Variants in LRP1B observed in about 807,000 individuals in gnomAD.
The protein encoded by LRP1B is LDL receptor related protein 1B, also known as low-density lipoprotein receptor-related protein 1B.
A neutral mutation model predicts 556.6 loss-of-function variants in LRP1B; 217 were observed. The observed-to-expected ratio is 0.39, with a 90% CI of 0.35 to 0.44. The LOEUF is 0.44. LRP1B is among the 20% of genes least tolerant of loss of function. LRP1B has a pLI of 1.00. For missense variants in LRP1B, 5,053 were observed against 5,620.8 expected (o/e 0.90, Z 3.23); for synonymous variants, 2,047 against 1,865.8 (o/e 1.10, Z -2.50).
chr2:140,757,820 G>T (rs1688787957), intron 35 of LRP1B, among the ~76,000 whole-genome samples: 1 of 152,182 alleles, frequency 6.6e-6, no homozygotes, highest in Admixed American at 6.5e-5. Context: ...GGCGGAGGTT[G>T]CAGTGAGCAG....
intron 88 of LRP1B, among the ~76,000 whole-genome samples, chr2:140,238,776 C>T (rs946562304): frequency 2.0e-5 from 3 of 150,820 alleles, no homozygotes; most frequent in Admixed American, 1.3e-4. Context: ...GTATGTCCAT[C>T]ACCCAAATAA....
intron 35 of LRP1B, among the ~76,000 whole-genome samples, chr2:140,744,000 T>TAAAAAAAAAAAAAAAAAAAAAA: frequency 2.2e-5 from 1 of 46,144 alleles, no homozygotes; most frequent in Non-Finnish European, 4.6e-5. Context: ...AAGTAAAAAG[T>TAAAAAAAAAAAAAAAAAAAAAA]AAAATCCATA....
At chr2:141,733,545 A>T (rs1693358244) in intron 2 of LRP1B, among the ~76,000 whole-genome samples, 1 of 152,074 alleles carries the variant, frequency 6.6e-6, no homozygotes, top group African/African-American at 2.4e-5. Context: ...TACTTGCTTA[A>T]ATTCCTTTAA....
intron 66 of LRP1B, among the ~76,000 whole-genome samples, chr2:140,426,145 C>T (rs7371382): frequency 0.16 from 23,631 of 152,028 alleles, 2,005 homozygotes; most frequent in Middle Eastern, 0.24. Flanking sequence ...GAACAGGAGG[C>T]GCTGGCTTGA....
chr2:141,424,655 C>T (rs944166221), intron 3 of LRP1B, among the ~76,000 whole-genome samples: 10 of 152,104 alleles, frequency 6.6e-5, no homozygotes, highest in African/African-American at 2.4e-4. Flanking sequence ...CCATATTTTT[C>T]ATTTCTTTAA....
At chr2:141,966,478 G>C (rs1232202540) in intron 1 of LRP1B, among the ~76,000 whole-genome samples, 1 of 151,902 alleles carries the variant, frequency 6.6e-6, no homozygotes, top group Non-Finnish European at 1.5e-5. Context: ...TCCACTTGCT[G>C]AGGTCAAGCA....
At chr2:141,247,787 C>A (rs1684121276) in intron 4 of LRP1B, among the ~76,000 whole-genome samples, 1 of 152,150 alleles carries the variant, frequency 6.6e-6, no homozygotes, top group Non-Finnish European at 1.5e-5. Flanking sequence ...ATCACACTCA[C>A]TACTTTAAAG....
intron 86 of LRP1B, among the ~76,000 whole-genome samples, chr2:140,252,874 T>C (rs1352962210): frequency 3.3e-5 from 5 of 152,092 alleles, no homozygotes; most frequent in African/African-American, 9.7e-5. Context: ...TATAAATTCA[T>C]CTAAAATGTA....
intron 3 of LRP1B, among the ~76,000 whole-genome samples, chr2:141,374,380 C>T (rs1342405652): frequency 6.6e-6 from 1 of 152,078 alleles, no homozygotes; most frequent in Non-Finnish European, 1.5e-5. Context: ...ATGTCTTTGC[C>T]TGGGGGTCAC....
intron 35 of LRP1B, among the ~76,000 whole-genome samples, chr2:140,753,958 G>C (rs1230592877): frequency 3.9e-5 from 6 of 152,092 alleles, no homozygotes; most frequent in Non-Finnish European, 7.4e-5. Flanking sequence ...GAACCCAAGG[G>C]CCCCACTGCC....
Position 140,370,791 on chromosome 2 carries a change from C to A in LRP1B, c.10927G>T (p.Ala3643Ser), listed in dbSNP as rs1682959813. ...AGCCATCTAATTGGAATACAGTGGG[C>A]TTTATTTTTGCACCGAAACTGATCT... Reference protein sequence around the residue: ...KEDQFRCKNKAHCIPIRWLCD... With the variant: ...KEDQFRCKNKSHCIPIRWLCD... Residue 3643 changes from alanine to serine, a missense_variant, in exon 71 of 91, where the codon GCC becomes TCC. Physicochemically the swap from Ala to Ser is moderately conservative, Grantham distance 99. Coordinates refer to ENST00000389484, the MANE Select transcript of LRP1B (RefSeq NM_018557.3). 1.2e-6 allele frequency: 2 copies of A among 1,612,646 alleles called. No homozygotes were observed. Among genetic ancestry groups the A allele is most frequent in the Non-Finnish European group, 1.7e-6 (2 of 1,179,154 alleles).
chr2:141,697,407 C>T (rs1359303125), intron 2 of LRP1B, among the ~76,000 whole-genome samples: 1 of 151,888 alleles, frequency 6.6e-6, no homozygotes, highest in East Asian at 1.9e-4. Context: ...ATTTACTCTC[C>T]TTGTTAATGT....
At chr2:141,519,220 CTT>C (rs781307098) in intron 2 of LRP1B, among the ~76,000 whole-genome samples, 89 of 151,720 alleles carry the variant, frequency 5.9e-4, no homozygotes, top group Non-Finnish European at 1.1e-3. Context: ...CCAAATAAAA[CTT>C]AACTAATAGT....
chr2:141,606,008 G>A (rs973411360), intron 2 of LRP1B, among the ~76,000 whole-genome samples: 5 of 150,478 alleles, frequency 3.3e-5, no homozygotes, highest in East Asian at 1.9e-4. Flanking sequence ...TTACTTAATC[G>A]AAAGTCTATG....
chr2:140,666,017 G>A (rs867479043), intron 41 of LRP1B, among the ~76,000 whole-genome samples: 42 of 148,460 alleles, frequency 2.8e-4, no homozygotes, highest in Middle Eastern at 6.8e-3. Flanking sequence ...TTCCTGAGAC[G>A]GAGTCTCACT....
chr2:140,375,751 C>T (rs946394391), intron 68 of LRP1B, among the ~76,000 whole-genome samples: 1 of 152,002 alleles, frequency 6.6e-6, no homozygotes, highest in African/African-American at 2.4e-5. Context: ...GTTCTTACAA[C>T]ATATTACGCT....
rs1446040870 is a variant in LRP1B at position 141,090,557 on chromosome 2, C to T, written c.1014-28284G>A. Among the ~76,000 whole-genome samples the T allele has an allele frequency of 1.8e-4, 27 of 152,164 alleles. 1 individual carries two copies. The highest frequency in any genetic ancestry group is 1.8e-3 in the Admixed American group (27 of 15,266). On this transcript the variant is annotated intron_variant, in intron 7 of 90. Coordinates refer to ENST00000389484, the MANE Select transcript of LRP1B (RefSeq NM_018557.3). ...AGAAGTCTTTATCCAACAGTTTCAA[C>T]ATTCTACATTTCTCTTATGCAGATT...
intron 1 of LRP1B, among the ~76,000 whole-genome samples, chr2:142,020,301 A>G (rs1703289438): frequency 6.6e-6 from 1 of 152,192 alleles, no homozygotes; most frequent in African/African-American, 2.4e-5. Flanking sequence ...GGCCCAAAGC[A>G]TGCTTTGGAA....
At chr2:141,782,085 T>A (rs185569699) in intron 2 of LRP1B, among the ~76,000 whole-genome samples, 1 of 152,158 alleles carries the variant, frequency 6.6e-6, no homozygotes, top group Non-Finnish European at 1.5e-5. Flanking sequence ...GCTTGTCTTG[T>A]GATACTTAAA....
Sources: allele counts gnomAD v4.1 joint callset (sites outside exome capture counted in the v4.1 genomes callset), GRCh38; gene constraint gnomAD v4.1.1; transcripts MANE v1.5; gene names NCBI Gene and HGNC (gene_info 2026-07-23, HGNC 2026-07-21).